ERC1: variants seen among roughly 807,000 people sequenced by gnomAD.
The protein encoded by ERC1 is ELKS/RAB6-interacting/CAST family member 1.
In ERC1, 56 loss-of-function variants were observed where a neutral mutation model predicts 132.0. The observed-to-expected ratio is 0.42, with a 90% CI of 0.34 to 0.53. The LOEUF (loss-of-function observed/expected upper bound fraction) is 0.53, where lower values mean the gene tolerates loss of function less well. Among genes scored for constraint, ERC1 ranks in the 20% least tolerant of loss-of-function variants. The pLI is 0.03. For synonymous variants in ERC1, 478 were observed against 476.1 expected, an observed-to-expected ratio of 1.00 and a Z score of -0.05; for missense variants, 1,202 against 1,349.9, an observed-to-expected ratio of 0.89 and a Z score of 1.72.
chr12:1,007,419 C>T (rs1377555581), intron 1 of ERC1, among the ~76,000 whole-genome samples: 5 of 151,746 alleles, frequency 3.3e-5, no homozygotes, highest in Admixed American at 6.6e-5. Flanking sequence ...GGGATAGAGA[C>T]GCGTACAGAG....
chr12:1,355,466 A>G (rs1478659769), intron 15 of ERC1, among the ~76,000 whole-genome samples: 1 of 152,208 alleles, frequency 6.6e-6, no homozygotes. Context: ...TACACCATAA[A>G]AAGCTTTTCT....
At position 1,394,539 on chromosome 12, in the gene ERC1, G is replaced by A. The variant is rs148263151; in HGVS notation, c.2926-13610G>A. On this transcript the variant is annotated intron_variant, in intron 16 of 18. Coordinates refer to ENST00000360905, the MANE Select transcript of ERC1 (RefSeq NM_178040.4). ...TCTCATGTTGATTGTTATTCACAGT[G>A]TTGAAGAAGGGGCCTGATGAGAGGT... is the stretch of plus-strand genomic sequence containing the variant. Among the ~76,000 whole-genome samples, 140 of 152,308 alleles carry A rather than the reference G, an allele frequency of 9.2e-4. No individual in the cohort carries two copies. In the East Asian group the frequency reaches 0.021, roughly 23 times the overall value.
chr12:1,123,189 T>C (rs1947774548), intron 7 of ERC1, among the ~76,000 whole-genome samples: 1 of 151,962 alleles, frequency 6.6e-6, no homozygotes, highest in African/African-American at 2.4e-5. Context: ...AATGATAAGC[T>C]TAAGAAAATA....
rs181625076 is a variant in ERC1 at position 1,472,896 on chromosome 12, G to A, written c.3214-17197G>A. ...AGGGAATCTCATCTTCTATCATGAGGGAAAGAAAGGAGGAAGTCCCTTTAT... is the reference window on the plus strand; with the variant it reads ...AGGGAATCTCATCTTCTATCATGAGAGAAAGAAAGGAGGAAGTCCCTTTAT... On this transcript the variant is annotated intron_variant, in intron 18 of 18. Coordinates refer to ENST00000360905, the MANE Select transcript of ERC1 (RefSeq NM_178040.4). 2.4e-3 allele frequency among the ~76,000 whole-genome samples: 360 copies of A among 152,262 alleles called. 1 individual carries two copies. The highest frequency in any genetic ancestry group is 6.8e-3 in the Middle Eastern group (2 of 294).
At chr12:1,474,612 C>T (rs2093933835) in intron 18 of ERC1, among the ~76,000 whole-genome samples, 1 of 152,180 alleles carries the variant, frequency 6.6e-6, no homozygotes, top group Non-Finnish European at 1.5e-5. Flanking sequence ...ATGTTTGGGG[C>T]AGTCTCCCTG....
intron 2 of ERC1, among the ~76,000 whole-genome samples, chr12:1,078,034 C>T (rs1472226284): frequency 6.6e-6 from 1 of 152,142 alleles, no homozygotes; most frequent in Non-Finnish European, 1.5e-5. Context: ...ACCAGACACA[C>T]TAGTAGTTAA....
intron 15 of ERC1, among the ~76,000 whole-genome samples, chr12:1,300,135 A>G (rs2080277758): frequency 6.6e-6 from 1 of 152,180 alleles, no homozygotes; most frequent in African/African-American, 2.4e-5. Flanking sequence ...GCAAAGGAAC[A>G]GAATAGAGAA....
intron 14 of ERC1, among the ~76,000 whole-genome samples, chr12:1,267,498 C>G (rs764147485): frequency 6.6e-6 from 1 of 152,166 alleles, no homozygotes; most frequent in African/African-American, 2.4e-5. Flanking sequence ...GTGGCTCATG[C>G]CTGTGATCCC....
At chr12:1,427,735 G>T (rs1358377810) in intron 17 of ERC1, among the ~76,000 whole-genome samples, 2 of 152,098 alleles carry the variant, frequency 1.3e-5, no homozygotes, top group Non-Finnish European at 2.9e-5. Flanking sequence ...TTGTTAAATG[G>T]CAATCATAAA....
intron 2 of ERC1, among the ~76,000 whole-genome samples, chr12:1,061,969 T>G (rs1225508568): frequency 2.0e-4 from 30 of 149,850 alleles, no homozygotes; most frequent in Non-Finnish European, 3.9e-4. Context: ...GTATGTTGTG[T>G]TTTTTTTTCT....
intron 17 of ERC1, among the ~76,000 whole-genome samples, chr12:1,440,164 A>G (rs2093062948): frequency 1.3e-5 from 2 of 150,804 alleles, no homozygotes; most frequent in African/African-American, 4.9e-5. Flanking sequence ...TAAACAATTT[A>G]GAATTTCATT....
chr12:1,410,263 T>C (rs1247749041), intron 17 of ERC1: 1 of 384,438 alleles, frequency 2.6e-6, no homozygotes, highest in Non-Finnish European at 5.2e-6. Context: ...TTAGAATCTG[T>C]ATGAGAGAGT....
chr12:1,398,874 A>G (rs2090764151), intron 16 of ERC1, among the ~76,000 whole-genome samples: 1 of 148,722 alleles, frequency 6.7e-6, no homozygotes, highest in Non-Finnish European at 1.5e-5. Flanking sequence ...TGTTTATGTA[A>G]TGAGTTCCCT....
At chr12:1,441,627 AC>A (rs2093158491) in intron 17 of ERC1, among the ~76,000 whole-genome samples, 1 of 152,160 alleles carries the variant, frequency 6.6e-6, no homozygotes. Context: ...GCAGCTCTAT[AC>A]CCACAAACAT....
chr12:1,485,063 G>C (rs111873593), intron 18 of ERC1, among the ~76,000 whole-genome samples: 1 of 144,572 alleles, frequency 6.9e-6, no homozygotes, highest in South Asian at 2.2e-4. Context: ...TTTTGTTTTA[G>C]TTTTTTGTAG....
At chr12:1,395,719 C>CA (rs1384045282) in intron 16 of ERC1, among the ~76,000 whole-genome samples, 2 of 151,766 alleles carry the variant, frequency 1.3e-5, no homozygotes, top group African/African-American at 4.8e-5. Flanking sequence ...CTAAGGATTA[C>CA]AAAAACGGTC....
Position 1,382,562 on chromosome 12 carries a change from G to A in ERC1, c.2925+10585G>A, listed in dbSNP as rs1441282200. On this transcript the variant is annotated intron_variant, in intron 16 of 18. Transcript: ENST00000360905. Reference sequence around the variant, plus strand: ...TTGTGTTTGTTTTAACACAAATAAGGCCACAGGCTGCCTGACTTGCCTCTT... The same window carrying A: ...TTGTGTTTGTTTTAACACAAATAAGACCACAGGCTGCCTGACTTGCCTCTT... Among the ~76,000 whole-genome samples, 4 of 152,160 alleles carry A rather than the reference G, an allele frequency of 2.6e-5. No homozygotes were observed. In the East Asian group the frequency reaches 5.8e-4, roughly 22 times the overall value.
intron 17 of ERC1, among the ~76,000 whole-genome samples, chr12:1,429,594 G>A (rs1373017561): frequency 1.3e-5 from 2 of 152,180 alleles, no homozygotes; most frequent in African/African-American, 2.4e-5. Context: ...CATTAGGTAC[G>A]TGGTAAAAAA....
intron 1 of ERC1, among the ~76,000 whole-genome samples, chr12:1,000,454 C>G (rs887152040): frequency 1.7e-4 from 25 of 151,334 alleles, no homozygotes; most frequent in Admixed American, 4.6e-4. Flanking sequence ...CCACTGCACT[C>G]CAGTCTGGAT....
Sources: allele counts gnomAD v4.1 joint callset (sites outside exome capture counted in the v4.1 genomes callset), GRCh38; gene constraint gnomAD v4.1.1; transcripts MANE v1.5; gene names NCBI Gene and HGNC (gene_info 2026-07-23, HGNC 2026-07-21).